The following IQCH variants were observed in gnomAD, a reference collection of about 807,000 sequenced individuals.
IQCH encodes the protein IQ motif containing H, also known as IQ domain-containing protein H.
IQCH carries 98 observed loss-of-function variants against 117.0 expected under a neutral mutation model. That is an observed-to-expected ratio of 0.84 (90% CI 0.71 to 0.99). IQCH has a LOEUF of 0.99. Among genes scored for constraint, IQCH ranks in the 50% least tolerant of loss-of-function variants. The pLI, the probability that IQCH is intolerant of heterozygous loss-of-function variation, is 0.00. For synonymous variants in IQCH, 412 were observed against 448.2 expected (o/e 0.92, Z 1.02); for missense variants, 1,102 against 1,243.8 (o/e 0.89, Z 1.72).
intron 4 of IQCH, among the ~76,000 whole-genome samples, chr15:67,330,089 A>G (rs1968599932): frequency 6.6e-6 from 1 of 151,878 alleles, no homozygotes; most frequent in South Asian, 2.1e-4. Context: ...GGCTCCCACC[A>G]TCATGTCTTT....
At position 67,453,124 on chromosome 15, in the gene IQCH, G is replaced by A. The variant is rs1357579193; in HGVS notation, c.2506-12003G>A. On this transcript the variant is annotated intron_variant, in intron 16 of 20. Transcript: ENST00000335894. The surrounding 1 kb of genome is among the most constrained non-coding windows in gnomAD (Gnocchi z 5.8). ...CATTGGTTATTCTAGTTATCCATTC[G>A]TCTAATTTTTTTTCAAAGCTTTTAA... is the stretch of plus-strand genomic sequence containing the variant. Among the ~76,000 whole-genome samples, 4 of 152,032 alleles carry A rather than the reference G, an allele frequency of 2.6e-5. No individual in the cohort carries two copies. The highest frequency in any genetic ancestry group is 1.3e-4 in the Admixed American group (2 of 15,254).
chr15:67,307,501 G>C (rs972719903), intron 4 of IQCH, among the ~76,000 whole-genome samples: 1 of 151,768 alleles, frequency 6.6e-6, no homozygotes, highest in Non-Finnish European at 1.5e-5. Context: ...GTAAGGGGTG[G>C]GGTGGGGGTG....
intron 10 of IQCH, among the ~76,000 whole-genome samples, chr15:67,383,036 G>A (rs1386317296): frequency 1.3e-5 from 2 of 152,166 alleles, no homozygotes; most frequent in African/African-American, 4.8e-5. Flanking sequence ...CCCAACTTCT[G>A]CTCTGCTGAT....
intron 1 of IQCH, among the ~76,000 whole-genome samples, chr15:67,258,240 A>G (rs1965307784): frequency 2.0e-5 from 3 of 150,940 alleles, no homozygotes; most frequent in South Asian, 4.2e-4. Context: ...GTGTCAAAAA[A>G]AAAAAAAGGC....
chr15:67,318,712 A>G (rs1349276476), intron 4 of IQCH, among the ~76,000 whole-genome samples: 2 of 152,188 alleles, frequency 1.3e-5, no homozygotes, highest in Non-Finnish European at 2.9e-5. Flanking sequence ...GGAATAAAAA[A>G]CTCAGCGTAG....
At chr15:67,349,859 C>A (rs1461330664) in intron 6 of IQCH, among the ~76,000 whole-genome samples, 1 of 152,108 alleles carries the variant, frequency 6.6e-6, no homozygotes, top group Non-Finnish European at 1.5e-5. Flanking sequence ...CAAATTAAAA[C>A]CACAGTGGGA....
chr15:67,420,177 G>A (rs1044960565), intron 15 of IQCH, among the ~76,000 whole-genome samples: 23 of 152,242 alleles, frequency 1.5e-4, no homozygotes, highest in African/African-American at 4.3e-4. Flanking sequence ...CTCCAAAATC[G>A]GTTTTCCTTT....
Position 67,443,557 on chromosome 15 carries a change from A to C in IQCH, c.2506-21570A>C, listed in dbSNP as rs2082329747. 3.9e-5 allele frequency among the ~76,000 whole-genome samples: 6 copies of C among 152,140 alleles called. No homozygotes were observed. The highest frequency in any genetic ancestry group is 3.9e-4 in the Admixed American group (6 of 15,266). On this transcript the variant is annotated intron_variant, in intron 16 of 20. Transcript: ENST00000335894. This position sits in a 1 kb window ranked among gnomAD's most constrained non-coding sequence, Gnocchi z 5.0. ...ACTCATGTAACCAAATACCACCTGT[A>C]CCCCAGTAACTTATGGACTAAAATA...
intron 4 of IQCH, among the ~76,000 whole-genome samples, chr15:67,283,240 A>T (rs1966435440): frequency 6.6e-6 from 1 of 152,180 alleles, no homozygotes; most frequent in African/African-American, 2.4e-5. Flanking sequence ...ACCCAATCCC[A>T]TGAGGCAACC....
intron 4 of IQCH, among the ~76,000 whole-genome samples, chr15:67,336,562 C>G (rs1277240247): frequency 6.6e-6 from 1 of 152,116 alleles, no homozygotes; most frequent in Non-Finnish European, 1.5e-5. Context: ...TCTTTTAAGT[C>G]TTCCAGGTTT....
intron 16 of IQCH, among the ~76,000 whole-genome samples, chr15:67,455,834 A>T (rs978730685): frequency 6.6e-6 from 1 of 152,258 alleles, no homozygotes; most frequent in Non-Finnish European, 1.5e-5. Context: ...GTATGGGATT[A>T]CTATATTGAA....
At chr15:67,291,483 A>G (rs543491664) in intron 4 of IQCH, among the ~76,000 whole-genome samples, 5 of 152,306 alleles carry the variant, frequency 3.3e-5, no homozygotes, top group African/African-American at 1.2e-4. Context: ...CAAACATAAA[A>G]AAAATACTGT....
chr15:67,360,822 A>T (rs1475965663), intron 8 of IQCH, among the ~76,000 whole-genome samples: 1 of 152,226 alleles, frequency 6.6e-6, no homozygotes, highest in Non-Finnish European at 1.5e-5. Context: ...CAATGATTAC[A>T]TACAGTCCCT....
At chr15:67,267,304 G>A (rs975144087) in intron 3 of IQCH, among the ~76,000 whole-genome samples, 2 of 152,170 alleles carry the variant, frequency 1.3e-5, no homozygotes, top group Non-Finnish European at 2.9e-5. Context: ...CTAGAGTGAT[G>A]GTTCTCAAAC....
At position 67,359,075 on chromosome 15, in the gene IQCH, G is replaced by A. The variant is rs1970027867; in HGVS notation, c.715-772G>A. Among the ~76,000 whole-genome samples the A allele has an allele frequency of 6.6e-6, 1 of 152,184 alleles. No individual in the cohort carries two copies. The highest frequency in any genetic ancestry group is 2.4e-5 in the African/African-American group (1 of 41,440). ...TTGTTTCAAATTCAGCTGTTTAACA[G>A]GCTGTGAGAAGGCCATGGGCTAATA... On this transcript the variant is annotated intron_variant, in intron 7 of 20. Transcript: ENST00000335894. This position sits in a 1 kb window ranked among gnomAD's most constrained non-coding sequence, Gnocchi z 4.5.
At position 67,254,800 on chromosome 15, in the gene IQCH, C is replaced by T. The variant is rs1965047905; in HGVS notation, c.-97C>T. 1 of 1,405,804 alleles carries T rather than the reference C, an allele frequency of 7.1e-7. No individual in the cohort carries two copies. Among genetic ancestry groups the T allele is most frequent in the Non-Finnish European group, 9.9e-7 (1 of 1,011,246 alleles). 87.1% of individuals were successfully genotyped at this position (1,405,804 alleles called of 1,614,324 possible). On this transcript the variant is annotated 5_prime_UTR_variant, in exon 1 of 21. Transcript: ENST00000335894. ...GCTCCCAGCGTGGAACAGGCCAGGTCGCGCGCGGTGTTGCCATGGGGACGA... is the reference window on the plus strand; with the variant it reads ...GCTCCCAGCGTGGAACAGGCCAGGTTGCGCGCGGTGTTGCCATGGGGACGA...
In IQCH at chr15:67,500,045, C is replaced by T. The variant is rs146269101; in HGVS notation, c.2971-588C>T. Among the ~76,000 whole-genome samples, 50 of 152,110 alleles carry T rather than the reference C, an allele frequency of 3.3e-4. No homozygotes were observed. The East Asian group carries it at 4.2e-3, about 13-fold the overall frequency. On this transcript the variant is annotated intron_variant, in intron 20 of 20. Coordinates refer to ENST00000335894, the MANE Select transcript of IQCH (RefSeq NM_001031715.3). The surrounding 1 kb of genome is among the most constrained non-coding windows in gnomAD (Gnocchi z 4.4). ...AAAATGTTCTGGAATTATATAGTAG[C>T]GATGGTTACTTGCAAATATACTAAA...
Position 67,381,721 on chromosome 15 carries a change from C to T in IQCH, c.1373-3215C>T, listed in dbSNP as rs181796055. 4.3e-3 allele frequency among the ~76,000 whole-genome samples: 656 copies of T among 152,226 alleles called. 3 individuals carry two copies. The highest frequency in any genetic ancestry group is 0.011 in the South Asian group (52 of 4,830). On this transcript the variant is annotated intron_variant, in intron 10 of 20. Coordinates refer to ENST00000335894, the MANE Select transcript of IQCH (RefSeq NM_001031715.3). This position sits in a 1 kb window ranked among gnomAD's most constrained non-coding sequence, Gnocchi z 5.1. Reference sequence around the variant, plus strand: ...ACAGGCCGGACATGGTGGCTCATGCCTATAATACCAGCACTTTGGGAGGCT... The same window carrying T: ...ACAGGCCGGACATGGTGGCTCATGCTTATAATACCAGCACTTTGGGAGGCT...
At chr15:67,279,964 C>T (rs537575963) in intron 4 of IQCH, among the ~76,000 whole-genome samples, 5 of 151,496 alleles carry the variant, frequency 3.3e-5, no homozygotes, top group South Asian at 2.1e-4. Flanking sequence ...TTCAGTGAGC[C>T]GAGATTGTGC....
Sources: gnomAD v4.1 joint callset for allele counts (sites outside exome capture counted in the v4.1 genomes callset) on GRCh38, gnomAD v4.1.1 for gene constraint, Gnocchi (gnomAD v3.1) non-coding constraint, MANE v1.5 for transcripts, NCBI Gene and HGNC (gene_info 2026-07-23, HGNC 2026-07-21) for gene names.